Variants in KLC2 observed in about 807,000 individuals in gnomAD.
KLC2 encodes kinesin light chain 2, also known as KLC 2.
Under a neutral mutation model 75.1 loss-of-function variants are expected in KLC2, and 35 were observed. The ratio of observed to expected loss-of-function variants is 0.47; its 90% CI spans 0.36 to 0.62. The LOEUF (loss-of-function observed/expected upper bound fraction) is 0.62, where lower values mean the gene tolerates loss of function less well. Among genes scored for constraint, KLC2 ranks in the 20% least tolerant of loss-of-function variants. The pLI, the probability that KLC2 is intolerant of heterozygous loss-of-function variation, is 0.00. For missense variants in KLC2, 611 were observed against 833.2 expected (o/e 0.73, Z 3.28); for synonymous variants, 314 against 336.7 (o/e 0.93, Z 0.74).
intron 4 of KLC2, chr11:66,262,450 G>A (rs1856501376): frequency 1.8e-6 from 1 of 565,692 alleles, no homozygotes; most frequent in East Asian, 2.9e-5. Context: ...TGACCCTTGG[G>A]AGAGTTCTCT....
chr11:66,250,603 A>G, the KLC2 span, among the ~76,000 whole-genome samples: 1 of 152,158 alleles, frequency 6.6e-6, no homozygotes, highest in Non-Finnish European at 1.5e-5. Context: ...GACCATCGCC[A>G]CACAGCATGA....
At chr11:66,248,072 A>G in the KLC2 span, among the ~76,000 whole-genome samples, 3 of 152,222 alleles carry the variant, frequency 2.0e-5, no homozygotes, top group East Asian at 5.8e-4. Context: ...GAGCTGCCCA[A>G]GGTCCGCCAG....
chr11:66,247,626 C>CT, the KLC2 span, among the ~76,000 whole-genome samples: 236 of 147,186 alleles, frequency 1.6e-3, no homozygotes, highest in Non-Finnish European at 2.3e-3. Flanking sequence ...TCCAACCCCT[C>CT]TTTTTTTTTT....
chr11:66,259,573 GT>G (rs1856244552), intron 2 of KLC2: 1 of 152,244 alleles, frequency 6.6e-6, no homozygotes, highest in African/African-American at 2.4e-5. Flanking sequence ...GGCCTGGTTG[GT>G]TTGGGTTTTA....
Position 66,266,199 on chromosome 11 carries a change from A to G in KLC2, c.1709A>G (p.Gln570Arg). 6.2e-7 allele frequency: 1 copy of G among 1,607,858 alleles called. No individual in the cohort carries two copies. Among genetic ancestry groups the G allele is most frequent in the Non-Finnish European group, 8.5e-7 (1 of 1,177,062 alleles). ...LVKKLQGGTP[Q>R]EPPNPRMKRA... The stretch of plus-strand genomic sequence containing the variant: ...AAGAAGCTGCAGGGGGGCACCCCCC[A>G]GGAGCCCCCTAACCCCAGGTGAGCC... The change falls in exon 14 of 16, where the codon CAG (glutamine) becomes CGG (arginine). Residue 570 changes from glutamine (Q) to arginine (R), a missense_variant. By Grantham distance (43) the Gln-to-Arg change is conservative (BLOSUM62 1). Transcript: ENST00000394067.
chr11:66,261,696 G>C, intron 2 of KLC2, 46 bp from the exon 3 acceptor site: 1 of 1,327,616 alleles, frequency 7.5e-7, no homozygotes. Flanking sequence ...AGTCATAGGC[G>C]AGGGGGTCGA....
In KLC2 at chr11:66,265,160, T is replaced by A. The variant is rs1244079463; in HGVS notation, c.1267-8T>A. 3.7e-6 allele frequency: 6 copies of A among 1,600,518 alleles called. No individual in the cohort carries two copies. In the African/African-American group the frequency reaches 8.1e-5, roughly 22 times the overall value. On this transcript the variant is annotated splice_polypyrimidine_tract_variant and splice_region_variant and intron_variant, in intron 10 of 15. Transcript: ENST00000394067. ...GCTCTCACTTCTTGTGACCATTCTT[T>A]CCTCCAGGATAAGCGCCGGGACAGC...
the KLC2 span, among the ~76,000 whole-genome samples, chr11:66,252,180 A>G: frequency 6.6e-6 from 1 of 152,250 alleles, no homozygotes; most frequent in East Asian, 1.9e-4. Context: ...CCTTGCACTC[A>G]GGGTCTGTTG....
chr11:66,247,554 C>T, the KLC2 span, among the ~76,000 whole-genome samples: 1 of 152,134 alleles, frequency 6.6e-6, no homozygotes, highest in Non-Finnish European at 1.5e-5. Flanking sequence ...CCCTCAGGCC[C>T]GTGTGGCTTG....
Position 66,262,205 on chromosome 11 carries a change from A to G in KLC2, c.529+13A>G. ...GAGCAGAGCCCAGGTGCGGATGGGC[A>G]GTTCTGGAGTGGGGGAAGGAAAGGT... On this transcript the variant is annotated intron_variant, in intron 4 of 15. Transcript: ENST00000394067. The G allele has an allele frequency of 6.2e-7, 1 of 1,607,638 alleles. No individual in the cohort carries two copies. The highest frequency in any genetic ancestry group is 8.5e-7 in the Non-Finnish European group (1 of 1,174,744).
rs1856752258 is a variant in KLC2 at position 66,265,400 on chromosome 11, C to A, written c.1334+165C>A. The A allele has an allele frequency of 1.3e-5, 9 of 713,418 alleles. No individual in the cohort carries two copies. The East Asian group carries it at 2.5e-4, about 19-fold the overall frequency. The allele number at this position is 713,418 out of a possible 1,614,324, so 44.2% of individuals were successfully genotyped here. ...CTGTCTCCCAATTCTCAGCCTAATT[C>A]TCTGGCTCTGGGTCTCCCAGCTTTT... On this transcript the variant is annotated intron_variant, in intron 11 of 15. Coordinates refer to ENST00000394067, the MANE Select transcript of KLC2 (RefSeq NM_001318734.2).
chr11:66,249,796 A>C, the KLC2 span, among the ~76,000 whole-genome samples: 3 of 152,020 alleles, frequency 2.0e-5, no homozygotes, highest in Non-Finnish European at 4.4e-5. Flanking sequence ...ACCAGCCTCC[A>C]TCCTGTTACT....
chr11:66,253,796 CAG>C (rs1855982195), upstream of KLC2, among the ~76,000 whole-genome samples: 4 of 152,230 alleles, frequency 2.6e-5, no homozygotes, highest in South Asian at 8.3e-4. Context: ...CTTCCCCCAC[CAG>C]CACACCGGGC....
Position 66,266,441 on chromosome 11 carries a change from G to C in KLC2, c.1736G>C (p.Arg579Pro). ...PQEPPNPRMKRASSLNFLNKS... is the reference protein window; with the variant it reads ...PQEPPNPRMKPASSLNFLNKS... Reference sequence around the variant, plus strand: ...CTGTCCTTTTCCCTCAGGATGAAGCGGGCCAGTTCCCTCAACTTCCTCAAC... The same window carrying C: ...CTGTCCTTTTCCCTCAGGATGAAGCCGGCCAGTTCCCTCAACTTCCTCAAC... The change falls in exon 15 of 16, where the codon CGG becomes CCG. Residue 579 changes from arginine to proline, a missense_variant. Transcript: ENST00000394067. 6.2e-7 allele frequency: 1 copy of C among 1,608,752 alleles called. No homozygotes were observed. The highest frequency in any genetic ancestry group is 8.5e-7 in the Non-Finnish European group (1 of 1,176,410).
intron 9 of KLC2, 73 bp from the exon 10 acceptor site, chr11:66,264,950 C>T: frequency 6.7e-7 from 1 of 1,497,006 alleles, no homozygotes; most frequent in Non-Finnish European, 9.2e-7. Flanking sequence ...CTCCCCTGAC[C>T]CCAGTCCTGT....
chr11:66,266,233 A>G lies in KLC2; in HGVS notation c.1727+16A>G. ...CTAACCCCAGGTGAGCCCCCCACCA[A>G]GGTGAGCCTCAAGAACCACCCAGCA... is the stretch of plus-strand genomic sequence containing the variant. On this transcript the variant is annotated intron_variant, in intron 14 of 15. Coordinates refer to ENST00000394067, the MANE Select transcript of KLC2 (RefSeq NM_001318734.2). 6.3e-7 allele frequency: 1 copy of G among 1,589,056 alleles called. No homozygotes were observed.
chr11:66,249,474 C>T, the KLC2 span, among the ~76,000 whole-genome samples: 8 of 152,316 alleles, frequency 5.3e-5, no homozygotes, highest in Admixed American at 1.3e-4. Flanking sequence ...TTTCACCTGC[C>T]GTGTCCAAGG....
intron 14 of KLC2, 102 bp downstream of exon 14, chr11:66,266,319 C>T (rs1856821731): frequency 6.7e-7 from 1 of 1,491,360 alleles, no homozygotes; most frequent in Non-Finnish European, 9.1e-7. Flanking sequence ...CTCCCCATCC[C>T]TCTCAGGCTC....
rs1856905878 is a variant in KLC2, at chr11:66,267,343, A to G, written c.*387A>G. ...CAACCCGGCCGTTGCTTCTGTATAT[A>G]GAGAAATAAGTTATTGGCCGCGCGC... On this transcript the variant is annotated 3_prime_UTR_variant, in exon 16 of 16. Transcript: ENST00000394067. 1.3e-6 allele frequency: 1 copy of G among 751,466 alleles called. No homozygotes were observed. The highest frequency in any genetic ancestry group is 1.7e-5 in the African/African-American group (1 of 57,856). 46.5% of individuals were successfully genotyped at this position (751,466 alleles called of 1,614,324 possible).
Sources: allele counts gnomAD v4.1 joint callset (sites outside exome capture counted in the v4.1 genomes callset), GRCh38; gene constraint gnomAD v4.1.1; transcripts MANE v1.5; gene names NCBI Gene and HGNC (gene_info 2026-07-23, HGNC 2026-07-21).